Variants in PLD5 observed in about 807,000 individuals in gnomAD.
PLD5 encodes the protein phospholipase D family member 5.
PLD5 carries 36 observed loss-of-function variants against 61.1 expected under a neutral mutation model. The ratio of observed to expected loss-of-function variants is 0.59; its 90% CI spans 0.45 to 0.78. The LOEUF is 0.78. Ranked by LOEUF, PLD5 falls within the 30% of genes least tolerant of loss-of-function variation. The pLI, the probability that PLD5 is intolerant of heterozygous loss-of-function variation, is 0.00. For missense variants in PLD5, 515 were observed against 644.4 expected (o/e 0.80, Z 2.17); for synonymous variants, 243 against 242.8 (o/e 1.00, Z -0.01).
intron 1 of PLD5, among the ~76,000 whole-genome samples, chr1:242,358,570 C>T (rs1336504661): frequency 1.3e-5 from 2 of 151,220 alleles, no homozygotes; most frequent in African/African-American, 2.4e-5. Flanking sequence ...CAGCTAAGCC[C>T]TGCTATGAGG....
chr1:242,394,828 A>G (rs1317048040), intron 1 of PLD5, among the ~76,000 whole-genome samples: 1 of 133,624 alleles, frequency 7.5e-6, no homozygotes, highest in African/African-American at 2.8e-5. Context: ...ATATACATAT[A>G]TGTGAATATA....
chr1:242,384,307 G>C (rs766019863), intron 1 of PLD5, among the ~76,000 whole-genome samples: 1 of 152,334 alleles, frequency 6.6e-6, no homozygotes, highest in Middle Eastern at 3.4e-3. Flanking sequence ...GTTTCCATGT[G>C]TTGCTGGCTA....
chr1:242,203,101 G>A (rs962203806), intron 5 of PLD5, among the ~76,000 whole-genome samples: 3 of 152,176 alleles, frequency 2.0e-5, no homozygotes, highest in African/African-American at 7.2e-5. Context: ...GGTCCCAAAT[G>A]AGCAGGACTT....
At chr1:242,278,922 T>C (rs1674561641) in intron 3 of PLD5, among the ~76,000 whole-genome samples, 1 of 152,232 alleles carries the variant, frequency 6.6e-6, no homozygotes, top group East Asian at 1.9e-4. Flanking sequence ...AGGGGCACTC[T>C]TTCCGTGAGG....
At chr1:242,197,787 A>T (rs1668732242) in intron 5 of PLD5, among the ~76,000 whole-genome samples, 1 of 151,984 alleles carries the variant, frequency 6.6e-6, no homozygotes, top group African/African-American at 2.4e-5. Context: ...GGTACCTGCC[A>T]TTATGCCCGG....
rs551429491 is a variant in PLD5 at position 242,312,299 on chromosome 1, C to A, written c.327-23769G>T. Among the ~76,000 whole-genome samples the A allele has an allele frequency of 1.0e-3, 157 of 151,828 alleles. 1 individual carries two copies. The highest frequency in any genetic ancestry group is 3.7e-3 in the African/African-American group (152 of 41,414). On this transcript the variant is annotated intron_variant, in intron 2 of 9. Coordinates refer to ENST00000536534, the MANE Select transcript of PLD5 (RefSeq NM_001372062.1). ...AAAATTGGGCATTTGAAAAAAATAGCCACCTCTCCCAGTCTTTGAAGACTG... is the reference window on the plus strand; with the variant it reads ...AAAATTGGGCATTTGAAAAAAATAGACACCTCTCCCAGTCTTTGAAGACTG...
At chr1:242,181,657 G>GTTTT (rs112861899) in intron 5 of PLD5, among the ~76,000 whole-genome samples, 2 of 149,504 alleles carry the variant, frequency 1.3e-5, no homozygotes, top group African/African-American at 4.9e-5. Context: ...CTCTTCAATG[G>GTTTT]TTTTTTTTTG....
At chr1:242,091,001 C>A (rs1366542391) in intron 9 of PLD5, among the ~76,000 whole-genome samples, 1 of 152,030 alleles carries the variant, frequency 6.6e-6, no homozygotes, top group African/African-American at 2.4e-5. Context: ...GATCCCCCCA[C>A]CTCAGCCTCC....
intron 1 of PLD5, among the ~76,000 whole-genome samples, chr1:242,475,436 A>AAC (rs1553382098): frequency 6.6e-6 from 1 of 151,396 alleles, no homozygotes; most frequent in Non-Finnish European, 1.5e-5. Flanking sequence ...AAAAAAAAAA[A>AAC]AAAAAGAAAA....
At chr1:242,122,095 C>T (rs1002880384) in intron 6 of PLD5, among the ~76,000 whole-genome samples, 1 of 152,108 alleles carries the variant, frequency 6.6e-6, no homozygotes, top group African/African-American at 2.4e-5. Flanking sequence ...ATAATTTAAA[C>T]AAAAGAAAAG....
chr1:242,253,474 C>T (rs1471048454), intron 4 of PLD5, among the ~76,000 whole-genome samples: 31 of 151,966 alleles, frequency 2.0e-4, no homozygotes, highest in East Asian at 3.9e-4. Flanking sequence ...CCACCACGCC[C>T]GGCTAATTTT....
chr1:242,427,616 C>T (rs530679103), intron 1 of PLD5, among the ~76,000 whole-genome samples: 9 of 152,202 alleles, frequency 5.9e-5, no homozygotes, highest in East Asian at 1.9e-4. Context: ...GCAGAAACTC[C>T]GCCATCCCAT....
intron 4 of PLD5, among the ~76,000 whole-genome samples, chr1:242,261,169 G>A (rs1673353451): frequency 6.6e-6 from 1 of 152,186 alleles, no homozygotes; most frequent in South Asian, 2.1e-4. Context: ...CATTGGTCCT[G>A]GGATAAACAA....
At chr1:242,254,094 G>A (rs1672875281) in intron 4 of PLD5, among the ~76,000 whole-genome samples, 1 of 152,014 alleles carries the variant, frequency 6.6e-6, no homozygotes. Flanking sequence ...ATTAAAACCG[G>A]GGCTTTTCTT....
At chr1:242,390,749 C>T (rs1662879403) in intron 1 of PLD5, among the ~76,000 whole-genome samples, 1 of 152,118 alleles carries the variant, frequency 6.6e-6, no homozygotes, top group South Asian at 2.1e-4. Flanking sequence ...TGAAACTATG[C>T]TTGACTTAGC....
At position 242,163,146 on chromosome 1, in the gene PLD5, TCTTTC is replaced by T. The variant is rs750343746; in HGVS notation, c.736-38486_736-38482del. Among the ~76,000 whole-genome samples the T allele has an allele frequency of 6.0e-3, 818 of 137,092 alleles. 11 individuals carry two copies. Among genetic ancestry groups the T allele is most frequent in the Middle Eastern group, 0.035 (10 of 284 alleles). The allele number at this position is 137,092 out of a possible 152,430, so 89.9% of individuals were successfully genotyped here. ...TCAAGTCTTTTATTTTCTTTTCTTT[TCTTTC>T]TTTTCTTGAGACGACGGAGTCTCAC... On this transcript the variant is annotated intron_variant, in intron 5 of 9. Coordinates refer to ENST00000536534, the MANE Select transcript of PLD5 (RefSeq NM_001372062.1).
intron 1 of PLD5, among the ~76,000 whole-genome samples, chr1:242,393,833 G>A (rs1274333805): frequency 6.8e-6 from 1 of 148,090 alleles, no homozygotes; most frequent in African/African-American, 2.5e-5. Context: ...GCCGAGGCGG[G>A]TGGATTACCT....
At chr1:242,529,018 ATT>A (rs1669500104), upstream of PLD5, among the ~76,000 whole-genome samples, 1 of 152,228 alleles carries the variant, frequency 6.6e-6, no homozygotes, top group Non-Finnish European at 1.5e-5. Flanking sequence ...ACATAAAATC[ATT>A]GACCCAAGAA....
At chr1:242,347,845 C>T (rs1261757456) in intron 2 of PLD5, among the ~76,000 whole-genome samples, 110 of 152,124 alleles carry the variant, frequency 7.2e-4, no homozygotes, top group Non-Finnish European at 1.5e-4. Context: ...ACAGTGGTCT[C>T]CAGAAATGCT....
Sources: allele counts gnomAD v4.1 joint callset (sites outside exome capture counted in the v4.1 genomes callset), GRCh38; gene constraint gnomAD v4.1.1; transcripts MANE v1.5; gene names NCBI Gene and HGNC (gene_info 2026-07-23, HGNC 2026-07-21).